SUSD4: variants seen among roughly 807,000 people sequenced by gnomAD.
SUSD4 encodes the protein sushi domain containing 4, also known as sushi domain-containing protein 4.
A neutral mutation model predicts 50.5 loss-of-function variants in SUSD4; 41 were observed. The observed-to-expected ratio is 0.81, with a 90% CI of 0.63 to 1.05. The LOEUF (loss-of-function observed/expected upper bound fraction) is 1.05, where lower values mean the gene tolerates loss of function less well. Among genes scored for constraint, SUSD4 ranks in the 50% least tolerant of loss-of-function variants. The pLI is 0.00. For synonymous variants in SUSD4, 257 were observed against 257.3 expected, an observed-to-expected ratio of 1.00 and a Z score of 0.01; for missense variants, 580 against 634.7, an observed-to-expected ratio of 0.91 and a Z score of 0.93.
chr1:223,315,452 T>C (rs1666126595), intron 2 of SUSD4, among the ~76,000 whole-genome samples: 1 of 152,220 alleles, frequency 6.6e-6, no homozygotes, highest in African/African-American at 2.4e-5. Context: ...TGACTACCAA[T>C]GGCTCCAACT....
intron 3 of SUSD4, among the ~76,000 whole-genome samples, chr1:223,278,826 C>A (rs946835389): frequency 2.0e-5 from 3 of 152,202 alleles, no homozygotes; most frequent in African/African-American, 7.2e-5. Flanking sequence ...CGAGTAGGGG[C>A]AGACTGACAC....
intron 2 of SUSD4, among the ~76,000 whole-genome samples, chr1:223,357,685 T>C (rs1269063069): frequency 2.0e-5 from 3 of 152,234 alleles, no homozygotes; most frequent in Admixed American, 2.0e-4. Flanking sequence ...TGGAAACTTT[T>C]GTCAATCACG....
intron 2 of SUSD4, chr1:223,358,881 T>C (rs1299028374): frequency 7.0e-6 from 2 of 285,048 alleles, no homozygotes; most frequent in South Asian, 3.5e-5. Flanking sequence ...AGATGTAGCA[T>C]TGAATGAAAA....
At chr1:223,318,001 T>TC (rs1666326608) in intron 2 of SUSD4, among the ~76,000 whole-genome samples, 1 of 85,666 alleles carries the variant, frequency 1.2e-5, no homozygotes, top group East Asian at 3.5e-4. Flanking sequence ...ATGCTATCCC[T>TC]CCCCCCTCCC....
chr1:223,246,835 T>C (rs183088647), intron 5 of SUSD4, among the ~76,000 whole-genome samples: 38 of 152,256 alleles, frequency 2.5e-4, no homozygotes, highest in African/African-American at 8.4e-4. Context: ...ATATGTTTCA[T>C]TACATGCAAA....
chr1:223,330,111 T>C (rs1340390001), intron 2 of SUSD4, among the ~76,000 whole-genome samples: 1 of 152,170 alleles, frequency 6.6e-6, no homozygotes, highest in Admixed American at 6.5e-5. Context: ...CAACCTCCTC[T>C]CCTTTTGTAT....
Position 223,332,358 on chromosome 1 carries a change from C to T in SUSD4, c.148+30920G>A, listed in dbSNP as rs540151982. Among the ~76,000 whole-genome samples, 5 of 152,250 alleles carry T rather than the reference C, an allele frequency of 3.3e-5. No homozygotes were observed. The highest frequency in any genetic ancestry group is 2.1e-4 in the South Asian group (1 of 4,826). On this transcript the variant is annotated intron_variant, in intron 2 of 8. Transcript: ENST00000366878. This position sits in a 1 kb window ranked among gnomAD's most constrained non-coding sequence, Gnocchi z 4.0. ...TAAATGGCATATCTATATTCAGACA[C>T]GGTACCTGAATTTCCAACAAGCATC... is the stretch of plus-strand genomic sequence containing the variant.
intron 5 of SUSD4, among the ~76,000 whole-genome samples, chr1:223,243,291 C>A (rs911566130): frequency 6.6e-6 from 1 of 152,200 alleles, no homozygotes; most frequent in Non-Finnish European, 1.5e-5. Context: ...CCGCCTTGCC[C>A]TGGATGACCC....
At chr1:223,222,321 G>A in intron 8 of SUSD4, 101 bp from the exon 9 acceptor site, 2 of 1,252,930 alleles carry the variant, frequency 1.6e-6, no homozygotes, top group Admixed American at 2.1e-5. Flanking sequence ...TCTCAAATCA[G>A]TGAGGAGAAG....
In SUSD4 at chr1:223,239,239, A is replaced by G. The variant is rs186173164; in HGVS notation, c.725-9851T>C. ...TATATTAATTTGTCTTCACATTTCA[A>G]ATGGGTTTCTTGTAAAAAACAGATA... is the stretch of plus-strand genomic sequence containing the variant. On this transcript the variant is annotated intron_variant, in intron 5 of 8. Coordinates refer to ENST00000366878, the MANE Select transcript of SUSD4 (RefSeq NM_017982.4). Among the ~76,000 whole-genome samples the G allele has an allele frequency of 5.9e-3, 896 of 152,066 alleles. 9 individuals are homozygous for G. The highest frequency in any genetic ancestry group is 6.5e-3 in the Non-Finnish European group (442 of 67,884).
At chr1:223,254,126 G>A (rs150916332) in intron 5 of SUSD4, among the ~76,000 whole-genome samples, 26 of 152,290 alleles carry the variant, frequency 1.7e-4, no homozygotes, top group Non-Finnish European at 3.5e-4. Context: ...CGGGACAGGC[G>A]ACCTGCCCAG....
intron 5 of SUSD4, among the ~76,000 whole-genome samples, chr1:223,247,533 G>A (rs115975570): frequency 5.7e-3 from 862 of 152,228 alleles, no homozygotes; most frequent in Non-Finnish European, 9.4e-3. Context: ...TTACAGCAGC[G>A]GTCTACCATA....
intron 2 of SUSD4, among the ~76,000 whole-genome samples, chr1:223,311,256 T>C (rs1435192035): frequency 2.0e-5 from 3 of 152,314 alleles, no homozygotes; most frequent in Admixed American, 6.5e-5. Context: ...ATGCTGTCAA[T>C]GGAGTTAGTT....
At chr1:223,298,273 G>T (rs749089542) in intron 2 of SUSD4, among the ~76,000 whole-genome samples, 1 of 152,152 alleles carries the variant, frequency 6.6e-6, no homozygotes, top group Non-Finnish European at 1.5e-5. Flanking sequence ...AACACCAATG[G>T]CACTGACAGT....
intron 3 of SUSD4, among the ~76,000 whole-genome samples, chr1:223,277,027 G>A (rs145775713): frequency 9.9e-5 from 15 of 152,214 alleles, no homozygotes; most frequent in Non-Finnish European, 2.1e-4. Flanking sequence ...TGACCACCCC[G>A]CTTTTGAAAA....
At position 223,292,663 on chromosome 1, in the gene SUSD4, A is replaced by G; in HGVS notation, c.149-12T>C. On this transcript the variant is annotated splice_polypyrimidine_tract_variant and intron_variant, in intron 2 of 8. Coordinates refer to ENST00000366878, the MANE Select transcript of SUSD4 (RefSeq NM_017982.4). ...AAGGTCATCGAACCCTACATCAACA[A>G]AGAGAGGAAAAGGTGCCTATGAATA... 2 of 1,612,536 alleles carry G rather than the reference A, an allele frequency of 1.2e-6. No homozygotes were observed. Among genetic ancestry groups the G allele is most frequent in the South Asian group, 1.1e-5 (1 of 90,986 alleles).
chr1:223,237,153 A>G (rs1413071297), intron 5 of SUSD4, among the ~76,000 whole-genome samples: 3 of 152,020 alleles, frequency 2.0e-5, no homozygotes, highest in African/African-American at 7.2e-5. Context: ...CCACTTGTTC[A>G]TTGCTAGTAT....
chr1:223,233,603 A>G (rs902934160), intron 5 of SUSD4, among the ~76,000 whole-genome samples: 3 of 152,214 alleles, frequency 2.0e-5, no homozygotes, highest in South Asian at 2.1e-4. Flanking sequence ...ACACATGGCA[A>G]ACAGCCCCAT....
chr1:223,291,211 G>A (rs1284508787), intron 3 of SUSD4, among the ~76,000 whole-genome samples: 4 of 151,986 alleles, frequency 2.6e-5, no homozygotes, highest in Non-Finnish European at 4.4e-5. Context: ...TGCTTATCAC[G>A]GCCGGGTGCC....
Sources: gnomAD v4.1 joint callset for allele counts (sites outside exome capture counted in the v4.1 genomes callset) on GRCh38, gnomAD v4.1.1 for gene constraint, Gnocchi (gnomAD v3.1) non-coding constraint, MANE v1.5 for transcripts, NCBI Gene and HGNC (gene_info 2026-07-23, HGNC 2026-07-21) for gene names.